The following RAB6A variants were observed in gnomAD, a reference collection of about 807,000 sequenced individuals.
RAB6A encodes RAB6A, member RAS oncogene family.
In RAB6A, 8 loss-of-function variants were observed where a neutral mutation model predicts 32.3. The observed-to-expected ratio is 0.25, with a 90% confidence interval of 0.15 to 0.45. The LOEUF is 0.45. RAB6A is among the 20% of genes least tolerant of loss of function. The probability of loss-of-function intolerance (pLI) is 1.00; values close to 1 mark genes in which losing one functional copy is unlikely to be tolerated. For missense variants in RAB6A, 104 were observed against 249.4 expected, an observed-to-expected ratio of 0.42 and a Z score of 3.93; for synonymous variants, 73 against 82.1, an observed-to-expected ratio of 0.89 and a Z score of 0.60.
At chr11:73,691,009 G>A (rs1340933205) in intron 6 of RAB6A, among the ~76,000 whole-genome samples, 53 of 151,876 alleles carry the variant, frequency 3.5e-4, no homozygotes, top group Non-Finnish European at 2.1e-4. Flanking sequence ...CTCCAAAGGC[G>A]GGGTTTTTCG....
Position 73,710,498 on chromosome 11 carries a change from G to A in RAB6A, c.402-2985C>T, listed in dbSNP as rs187525726. Among the ~76,000 whole-genome samples the A allele has an allele frequency of 2.0e-5, 3 of 151,720 alleles. No individual in the cohort carries two copies. The East Asian group carries it at 5.9e-4, about 30-fold the overall frequency. On this transcript the variant is annotated intron_variant, in intron 5 of 7. Transcript: ENST00000336083. ...CACACCTGTAATCCCAGCACTTTGG[G>A]AGGCCAAGGCGGGTGGATCATTTGA...
intron 1 of RAB6A, among the ~76,000 whole-genome samples, chr11:73,757,257 C>A (rs1946776448): frequency 6.7e-6 from 1 of 148,396 alleles, no homozygotes; most frequent in Non-Finnish European, 1.5e-5. Flanking sequence ...GATTCTCCTG[C>A]CTCAGCCTCC....
In RAB6A at chr11:73,740,802, C is replaced by T. The variant is rs113431323; in HGVS notation, c.71-9979G>A. 4.0e-3 allele frequency among the ~76,000 whole-genome samples: 604 copies of T among 151,664 alleles called. 1 individual carries two copies. Among genetic ancestry groups the T allele is most frequent in the African/African-American group, 0.014 (571 of 41,350 alleles). On this transcript the variant is annotated intron_variant, in intron 1 of 7. Transcript: ENST00000336083. ...CTCGGGGGGGCTGAGGCAGGACAATCGCTTAAACCTGGGAGGCAGAGGTTG... is the reference window on the plus strand; with the variant it reads ...CTCGGGGGGGCTGAGGCAGGACAATTGCTTAAACCTGGGAGGCAGAGGTTG...
intron 1 of RAB6A, among the ~76,000 whole-genome samples, chr11:73,744,355 A>AT (rs1555067812): frequency 6.7e-6 from 1 of 148,918 alleles, no homozygotes; most frequent in Admixed American, 6.7e-5. Flanking sequence ...AAAAAAAAAA[A>AT]TTTAAATTAG....
At chr11:73,733,111 T>C (rs1287609040) in intron 1 of RAB6A, among the ~76,000 whole-genome samples, 1 of 152,110 alleles carries the variant, frequency 6.6e-6, no homozygotes, top group Non-Finnish European at 1.5e-5. Context: ...ACATCTGGCC[T>C]CAATTATTTT....
intron 1 of RAB6A, among the ~76,000 whole-genome samples, chr11:73,735,907 C>T (rs1474865729): frequency 8.7e-6 from 1 of 114,828 alleles, no homozygotes; most frequent in Non-Finnish European, 1.7e-5. Context: ...TTTCTGGAAT[C>T]CCAACCTTGC....
chr11:73,702,338 A>AC (rs1410443797), intron 6 of RAB6A, among the ~76,000 whole-genome samples: 2 of 151,892 alleles, frequency 1.3e-5, no homozygotes, highest in Non-Finnish European at 2.9e-5. Flanking sequence ...TTTTCAAAAA[A>AC]ATTTTTCTAC....
At chr11:73,750,541 ATGG>A (rs1160334655) in intron 1 of RAB6A, among the ~76,000 whole-genome samples, 17 of 151,774 alleles carry the variant, frequency 1.1e-4, no homozygotes, top group African/African-American at 3.9e-4. Flanking sequence ...TTTTTAGTAG[ATGG>A]GGGGGTTTCT....
chr11:73,730,861 C>A, intron 1 of RAB6A, 38 bp from the exon 2 acceptor site: 4 of 1,528,336 alleles, frequency 2.6e-6, no homozygotes, highest in Non-Finnish European at 3.5e-6. Context: ...TCAGTGAACA[C>A]ATTACATTGG....
rs139330834 is a variant in RAB6A, at chr11:73,705,663, T to C, written c.495+1757A>G. Among the ~76,000 whole-genome samples the C allele has an allele frequency of 7.2e-5, 11 of 152,148 alleles. No individual in the cohort carries two copies. In the East Asian group the frequency reaches 2.1e-3, roughly 29 times the overall value. On this transcript the variant is annotated intron_variant, in intron 6 of 7. Transcript: ENST00000336083. ...TAGTGGCATATGGCTAATATAATGG[T>C]ATTACACAAATTATTTAACTGTCTG...
chr11:73,679,176 T>A (rs990500243), intron 7 of RAB6A, among the ~76,000 whole-genome samples: 3 of 152,164 alleles, frequency 2.0e-5, no homozygotes, highest in African/African-American at 7.2e-5. Flanking sequence ...AAATTAAAAA[T>A]CCTTAGAATT....
intron 6 of RAB6A, among the ~76,000 whole-genome samples, chr11:73,695,183 A>G (rs1945637194): frequency 6.6e-6 from 1 of 152,220 alleles, no homozygotes. Flanking sequence ...AGTGGGCCAA[A>G]AAAACTTTAC....
chr11:73,685,807 C>T (rs1371969634), intron 6 of RAB6A, among the ~76,000 whole-genome samples: 1 of 140,634 alleles, frequency 7.1e-6, no homozygotes, highest in African/African-American at 2.7e-5. Flanking sequence ...ATCGCTTGAA[C>T]CGGGGAGGTG....
chr11:73,734,056 A>G (rs1273535338), intron 1 of RAB6A, among the ~76,000 whole-genome samples: 1 of 152,120 alleles, frequency 6.6e-6, no homozygotes, highest in Non-Finnish European at 1.5e-5. Flanking sequence ...CTGTGACAAG[A>G]AGGGCACTTC....
chr11:73,722,335 ATATATATATTTTTTTTT>A (rs1946152169), intron 2 of RAB6A: 2 of 11,124 alleles, frequency 1.8e-4, no homozygotes, highest in Non-Finnish European at 3.2e-4. Flanking sequence ...ATATATATAT[ATATATATATTTTTTTTT>A]TTTTTTTTTT....
intron 3 of RAB6A, chr11:73,718,981 G>C: frequency 8.2e-7 from 1 of 1,216,882 alleles, no homozygotes; most frequent in Non-Finnish European, 1.1e-6. Flanking sequence ...AAGGGAGAGG[G>C]TGGGAAGGAA....
At chr11:73,688,720 A>C (rs2134877735) in intron 6 of RAB6A, among the ~76,000 whole-genome samples, 1 of 152,384 alleles carries the variant, frequency 6.6e-6, no homozygotes, top group Non-Finnish European at 1.5e-5. Flanking sequence ...CACTTTGTGA[A>C]GAGAAAACTT....
chr11:73,692,154 G>A (rs1195411945), intron 6 of RAB6A, among the ~76,000 whole-genome samples: 1 of 152,010 alleles, frequency 6.6e-6, no homozygotes, highest in East Asian at 1.9e-4. Flanking sequence ...TCAAGTCAAA[G>A]AAAATCTGGC....
At chr11:73,688,657 A>G (rs1204783841) in intron 6 of RAB6A, among the ~76,000 whole-genome samples, 1 of 152,218 alleles carries the variant, frequency 6.6e-6, no homozygotes, top group African/African-American at 2.4e-5. Context: ...GGAAATCAAA[A>G]TATCTTACCC....
Sources: gnomAD v4.1 joint callset for allele counts (sites outside exome capture counted in the v4.1 genomes callset) on GRCh38, gnomAD v4.1.1 for gene constraint, MANE v1.5 for transcripts, NCBI Gene and HGNC (gene_info 2026-07-23, HGNC 2026-07-21) for gene names.